Variants in CLEC7A observed in about 807,000 individuals in gnomAD.
CLEC7A encodes C-type lectin domain containing 7A.
CLEC7A carries 25 observed loss-of-function variants against 26.9 expected under a neutral mutation model. The ratio of observed to expected loss-of-function variants is 0.93; its 90% CI spans 0.68 to 1.30. The LOEUF is 1.30. Among genes scored for constraint, CLEC7A ranks in the 50% most tolerant of loss-of-function variants. The probability of loss-of-function intolerance (pLI) is 0.00; values close to 1 mark genes in which losing one functional copy is unlikely to be tolerated. For missense variants in CLEC7A, 275 were observed against 286.7 expected, an observed-to-expected ratio of 0.96 and a Z score of 0.29; for synonymous variants, 100 against 99.5, an observed-to-expected ratio of 1.01 and a Z score of -0.03.
chr12:10,121,113 A>C (rs1948070724), intron 5 of CLEC7A, among the ~76,000 whole-genome samples: 1 of 151,738 alleles, frequency 6.6e-6, no homozygotes, highest in Non-Finnish European at 1.5e-5. Flanking sequence ...CAACAGAGTA[A>C]AGGAATGCTC....
At chr12:10,126,461 A>C in intron 3 of CLEC7A, 110 bp downstream of exon 3, 1 of 1,460,624 alleles carries the variant, frequency 6.8e-7, no homozygotes, top group Non-Finnish European at 9.1e-7. Flanking sequence ...ATTTGCCTTA[A>C]ATTTACAATC....
At position 10,118,428 on chromosome 12, in the gene CLEC7A, A is replaced by G. The variant is rs776038688; in HGVS notation, c.*30T>C. On this transcript the variant is annotated 3_prime_UTR_variant, in exon 6 of 6. Transcript: ENST00000304084. ...TTTTCTGTCCTCCTTACTACCTCAC[A>G]TATTTCTCTCTCCTTCTCCACCCTT... is the stretch of plus-strand genomic sequence containing the variant. 6.3e-7 allele frequency: 1 copy of G among 1,588,234 alleles called. No individual in the cohort carries two copies. The highest frequency in any genetic ancestry group is 1.1e-5 in the South Asian group (1 of 90,198).
At chr12:10,120,074 G>A (rs1948030934) in intron 5 of CLEC7A, among the ~76,000 whole-genome samples, 1 of 151,718 alleles carries the variant, frequency 6.6e-6, no homozygotes, top group African/African-American at 2.4e-5. Context: ...TTTAATGGTA[G>A]ATTAGCCACA....
chr12:10,122,296 T>TC (rs1948112308), intron 5 of CLEC7A, among the ~76,000 whole-genome samples: 1 of 152,096 alleles, frequency 6.6e-6, no homozygotes, highest in Non-Finnish European at 1.5e-5. Context: ...TAATAAGGAA[T>TC]AATGTATCAT....
chr12:10,125,544 C>A, intron 3 of CLEC7A, 96 bp from the exon 4 acceptor site: 1 of 942,428 alleles, frequency 1.1e-6, no homozygotes, highest in Non-Finnish European at 1.5e-6. Flanking sequence ...ATGAAATAAC[C>A]AATTAGTTGC....
intron 5 of CLEC7A, among the ~76,000 whole-genome samples, chr12:10,121,107 A>G (rs1255757668): frequency 6.6e-6 from 1 of 151,728 alleles, no homozygotes; most frequent in Non-Finnish European, 1.5e-5. Context: ...GAGAGTCAAC[A>G]GAGTAAAGGA....
At position 10,125,229 on chromosome 12, in the gene CLEC7A, C is replaced by G. The variant is rs773595882; in HGVS notation, c.492+68G>C. ...TCATTTTAGGAAAAATTGTCATTACCTGGAATCTCCCTCTATCTTCCTTCA... is the reference window on the plus strand; with the variant it reads ...TCATTTTAGGAAAAATTGTCATTACGTGGAATCTCCCTCTATCTTCCTTCA... On this transcript the variant is annotated intron_variant, in intron 4 of 5. Transcript: ENST00000304084. 113 of 1,317,896 alleles carry G rather than the reference C, an allele frequency of 8.6e-5. No individual in the cohort carries two copies. In the Admixed American group the frequency reaches 1.9e-3, roughly 22 times the overall value. 81.6% of individuals were successfully genotyped at this position (1,317,896 alleles called of 1,614,324 possible). A position where few individuals can be genotyped will look rare whatever the true frequency, so the allele number is the denominator to read the frequency against.
chr12:10,118,349 T>C lies in CLEC7A; in HGVS notation c.*109A>G, dbSNP rs1947971754. 7 of 1,085,364 alleles carry C rather than the reference T, an allele frequency of 6.4e-6. No homozygotes were observed. The South Asian group carries it at 9.9e-5, about 15-fold the overall frequency. The allele number at this position is 1,085,364 out of a possible 1,614,324, so 67.2% of individuals were successfully genotyped here. A position where few individuals can be genotyped will look rare whatever the true frequency, so the allele number is the denominator to read the frequency against. On this transcript the variant is annotated 3_prime_UTR_variant, in exon 6 of 6. Coordinates refer to ENST00000304084, the MANE Select transcript of CLEC7A (RefSeq NM_197947.3). Reference sequence around the variant, plus strand: ...GTTAAGATTACAGTTGGCCAAGCTCTCTAAACATTTTCTGCATTTATCTTG... The same window carrying C: ...GTTAAGATTACAGTTGGCCAAGCTCCCTAAACATTTTCTGCATTTATCTTG...
chr12:10,125,588 G>A (rs1380513322), intron 3 of CLEC7A, 140 bp from the exon 4 acceptor site: 2 of 620,714 alleles, frequency 3.2e-6, no homozygotes, highest in South Asian at 2.9e-5. Context: ...TCGAACTACA[G>A]GGATATGATT....
intron 3 of CLEC7A, 117 bp from the exon 4 acceptor site, chr12:10,125,565 T>A (rs954942374): frequency 1.5e-5 from 11 of 753,102 alleles, no homozygotes; most frequent in Non-Finnish European, 2.2e-5. Flanking sequence ...CATTTTTATA[T>A]TTCATTGTCA....
intron 5 of CLEC7A, 134 bp from the exon 6 acceptor site, chr12:10,118,724 A>G: frequency 1.4e-6 from 1 of 704,652 alleles, no homozygotes; most frequent in East Asian, 3.0e-5. Context: ...AAGGAGGCTT[A>G]AATCTAAATT....
intron 5 of CLEC7A, among the ~76,000 whole-genome samples, chr12:10,119,849 A>C (rs11053600): frequency 0.15 from 20,003 of 136,556 alleles, 1,792 homozygotes; most frequent in Non-Finnish European, 0.2. Context: ...AAAAAAAAAA[A>C]CAAACAGAAA....
At chr12:10,128,229 CACACACACACACACACA>C (rs1948368242) in intron 1 of CLEC7A, among the ~76,000 whole-genome samples, 1 of 145,330 alleles carries the variant, frequency 6.9e-6, no homozygotes, top group African/African-American at 2.8e-5. Context: ...CACACACACA[CACACACACACACACACA>C]CCACCAACAA....
rs766882581 is a variant in CLEC7A at position 10,127,486 on chromosome 12, T to C, written c.202+261A>G. The C allele has an allele frequency of 2.5e-5, 39 of 1,585,346 alleles. 1 individual carries two copies. In the South Asian group the frequency reaches 3.8e-4, roughly 15 times the overall value. On this transcript the variant is annotated intron_variant, in intron 2 of 5. Transcript: ENST00000304084. ...AGAGCAATGTAGTTAAGAGTATGAGTTTTTTAGACAGATCACCCAAATTTC... is the reference window on the plus strand; with the variant it reads ...AGAGCAATGTAGTTAAGAGTATGAGCTTTTTAGACAGATCACCCAAATTTC...
At chr12:10,124,447 T>G (rs184430590) in intron 4 of CLEC7A, among the ~76,000 whole-genome samples, 1 of 152,346 alleles carries the variant, frequency 6.6e-6, no homozygotes, top group East Asian at 1.9e-4. Context: ...TTCTGAAAAC[T>G]TCTTAGGAAC....
At chr12:10,130,230 G>A (rs1591968750), upstream of CLEC7A, 1 of 488,184 alleles carries the variant, frequency 2.0e-6, no homozygotes, top group East Asian at 3.1e-5. Context: ...AGCTTAAGTA[G>A]TTCAACCAGA....
At chr12:10,120,362 A>T (rs1948038892) in intron 5 of CLEC7A, among the ~76,000 whole-genome samples, 1 of 152,178 alleles carries the variant, frequency 6.6e-6, no homozygotes. Context: ...CTCAAAAACA[A>T]CAGTAAAAAA....
In CLEC7A at chr12:10,127,858, A is replaced by AG; in HGVS notation, c.104-14dup. On this transcript the variant is annotated splice_polypyrimidine_tract_variant and intron_variant, in intron 1 of 5. Transcript: ENST00000304084. The stretch of plus-strand genomic sequence containing the variant: ...GCAGCACACGATCCTGAGGAGCCAG[A>AG]GGGGGCAGAAATGGAATAAAGAAAG... 1.3e-6 allele frequency: 2 copies of AG among 1,506,938 alleles called. No individual in the cohort carries two copies. The highest frequency in any genetic ancestry group is 1.7e-4 in the Middle Eastern group (1 of 5,792). 93.3% of individuals were successfully genotyped at this position (1,506,938 alleles called of 1,614,324 possible). A position where few individuals can be genotyped will look rare whatever the true frequency, so the allele number is the denominator to read the frequency against.
At chr12:10,127,559 A>G (rs1948333718) in intron 2 of CLEC7A, 188 bp downstream of exon 2, 2 of 1,103,400 alleles carry the variant, frequency 1.8e-6, no homozygotes, top group South Asian at 1.3e-5. Flanking sequence ...GAAAGGTAAA[A>G]TAACCTCTCA....
Sources: gnomAD v4.1 joint callset for allele counts (sites outside exome capture counted in the v4.1 genomes callset) on GRCh38, gnomAD v4.1.1 for gene constraint, MANE v1.5 for transcripts, NCBI Gene and HGNC (gene_info 2026-07-23, HGNC 2026-07-21) for gene names.